The following PALM2AKAP2 variants were observed in gnomAD, a reference collection of about 807,000 sequenced individuals.
The protein encoded by PALM2AKAP2 is PALM2 and AKAP2 fusion, also known as PALM2-AKAP2 fusion protein.
Under a neutral mutation model 71.5 loss-of-function variants are expected in PALM2AKAP2, and 37 were observed. The ratio of observed to expected loss-of-function variants is 0.52; its 90% CI spans 0.40 to 0.68. PALM2AKAP2 has a LOEUF of 0.68. Ranked by LOEUF, PALM2AKAP2 falls within the 30% of genes least tolerant of loss-of-function variation. The probability of loss-of-function intolerance (pLI) is 0.00; values close to 1 mark genes in which losing one functional copy is unlikely to be tolerated. For missense variants in PALM2AKAP2, 1,224 were observed against 1,191.8 expected, an observed-to-expected ratio of 1.03 and a Z score of -0.40; for synonymous variants, 468 against 478.8, an observed-to-expected ratio of 0.98 and a Z score of 0.29.
intron 1 of PALM2AKAP2, among the ~76,000 whole-genome samples, chr9:110,123,722 G>A (rs973799092): frequency 1.1e-4 from 16 of 152,198 alleles, no homozygotes; most frequent in African/African-American, 3.9e-4. Context: ...TGTGAATAGG[G>A]CAGATTTAAA....
chr9:110,166,439 A>G (rs1836734846), intron 3 of PALM2AKAP2, among the ~76,000 whole-genome samples: 1 of 152,248 alleles, frequency 6.6e-6, no homozygotes, highest in African/African-American at 2.4e-5. Flanking sequence ...AACTGGAAAT[A>G]GAGCCCAAGA....
At chr9:109,808,370 A>G (rs1427586996) in intron 1 of PALM2AKAP2, among the ~76,000 whole-genome samples, 4 of 152,212 alleles carry the variant, frequency 2.6e-5, no homozygotes, top group African/African-American at 9.6e-5. Context: ...TGTTTTAGCA[A>G]AGAGACTGGT....
intron 1 of PALM2AKAP2, among the ~76,000 whole-genome samples, chr9:109,734,569 C>T (rs1828602034): frequency 6.6e-6 from 1 of 152,062 alleles, no homozygotes; most frequent in South Asian, 2.1e-4. Flanking sequence ...AATTGGACAG[C>T]CTGATTTAGG....
chr9:109,802,354 G>A (rs921817555), intron 1 of PALM2AKAP2, among the ~76,000 whole-genome samples: 1 of 152,184 alleles, frequency 6.6e-6, no homozygotes, highest in East Asian at 1.9e-4. Flanking sequence ...ATAACTTTTG[G>A]ACCAGGAGCC....
rs141046156 is a variant in PALM2AKAP2, at chr9:110,027,004, C to T, written c.582+10965C>T. ...GTTGCAGTGAGCCGAGATCGCGCCA[C>T]TGCACTCCAGCCTGGGTAATAGAGC... On this transcript the variant is annotated intron_variant, in intron 7 of 9. Coordinates refer to the PALM2AKAP2 transcript ENST00000302798. Among the ~76,000 whole-genome samples, 697 of 152,276 alleles carry T rather than the reference C, an allele frequency of 4.6e-3. 15 individuals are homozygous for T. The highest frequency in any genetic ancestry group is 0.038 in the Admixed American group (583 of 15,282).
chr9:110,091,471 T>G, intron 1 of PALM2AKAP2, among the ~76,000 whole-genome samples: 1 of 139,496 alleles, frequency 7.2e-6, no homozygotes, highest in Non-Finnish European at 1.5e-5. Flanking sequence ...TTTTTTTTTT[T>G]TTTTTTTTTG....
chr9:109,653,674 T>C (rs1005423811), intron 1 of PALM2AKAP2, among the ~76,000 whole-genome samples: 19 of 152,186 alleles, frequency 1.2e-4, no homozygotes, highest in East Asian at 9.6e-4. Context: ...GGGGTTCCTG[T>C]GTTCCCAACA....
intron 3 of PALM2AKAP2, among the ~76,000 whole-genome samples, chr9:109,903,261 G>A (rs943342606): frequency 6.6e-6 from 1 of 152,014 alleles, no homozygotes; most frequent in African/African-American, 2.4e-5. Context: ...GTTCACATCA[G>A]CACCGAGACT....
intron 1 of PALM2AKAP2, among the ~76,000 whole-genome samples, chr9:109,691,023 A>T (rs1336023805): frequency 6.6e-6 from 1 of 152,168 alleles, no homozygotes; most frequent in African/African-American, 2.4e-5. Context: ...AAGAAACAGA[A>T]GGGGGGAAGT....
At chr9:110,168,711 G>A in exon 4 of PALM2AKAP2, 1 of 555,824 alleles carries the variant, frequency 1.8e-6, no homozygotes, top group Non-Finnish European at 3.0e-6. Context: ...AAAGAGAAAG[G>A]ACTTTTTTGG....
intron 1 of PALM2AKAP2, among the ~76,000 whole-genome samples, chr9:109,845,483 G>A (rs1828829424): frequency 1.3e-5 from 2 of 152,208 alleles, no homozygotes; most frequent in African/African-American, 4.8e-5. Context: ...ATAATTGCTA[G>A]AGGCCTCCAG....
rs116211479 is a variant in PALM2AKAP2 at position 109,692,998 on chromosome 9, A to G, written c.5+52132A>G. 3.7e-3 allele frequency among the ~76,000 whole-genome samples: 564 copies of G among 151,828 alleles called. 4 individuals are homozygous for G. Among genetic ancestry groups the G allele is most frequent in the African/African-American group, 0.013 (546 of 41,486 alleles). On this transcript the variant is annotated intron_variant, in intron 1 of 6. Transcript: ENST00000374531. The stretch of plus-strand genomic sequence containing the variant: ...ATTTAATGGTGGCCTTATAAAATAA[A>G]CTTGAAAGTGTTCCCTTTCTTTCTG...
At chr9:109,829,862 G>A (rs1369331431) in intron 1 of PALM2AKAP2, among the ~76,000 whole-genome samples, 2 of 152,002 alleles carry the variant, frequency 1.3e-5, no homozygotes, top group Non-Finnish European at 2.9e-5. Context: ...AATTTAATGA[G>A]GCTGACATTT....
In PALM2AKAP2 at chr9:110,136,498, G is replaced by A. The variant is rs115828228; in HGVS notation, c.528G>A (p.Val176=). The A allele has an allele frequency of 1.5e-4, 247 of 1,614,066 alleles. No individual in the cohort carries two copies. The African/African-American group carries it at 3.0e-3, about 20-fold the overall frequency. The change falls in exon 2 of 4, where the codon GTG becomes GTA. Residue 176 remains valine, a synonymous_variant. Transcript: ENST00000374525. ...CAGAGCCTGGTGCAGTGGTTCTGGTGGGCGGCCTAAGCCCCCCTGTCCACG... is the reference window on the plus strand; with the variant it reads ...CAGAGCCTGGTGCAGTGGTTCTGGTAGGCGGCCTAAGCCCCCCTGTCCACG...
intron 6 of PALM2AKAP2, among the ~76,000 whole-genome samples, chr9:110,001,553 A>G (rs1832681901): frequency 6.6e-6 from 1 of 152,200 alleles, no homozygotes; most frequent in Non-Finnish European, 1.5e-5. Flanking sequence ...CCGTGAATAA[A>G]GTCATTGGTA....
chr9:110,046,053 A>G (rs1418535859), upstream of PALM2AKAP2, among the ~76,000 whole-genome samples: 2 of 152,192 alleles, frequency 1.3e-5, no homozygotes, highest in African/African-American at 4.8e-5. Flanking sequence ...ATGTCTCTAG[A>G]CATTGCCAAA....
chr9:109,889,675 A>G (rs1448316595), intron 3 of PALM2AKAP2, among the ~76,000 whole-genome samples: 1 of 152,194 alleles, frequency 6.6e-6, no homozygotes, highest in Non-Finnish European at 1.5e-5. Flanking sequence ...TCAACATTTC[A>G]TGTGTGTTAC....
At chr9:109,661,896 G>A (rs1587857940) in intron 1 of PALM2AKAP2, among the ~76,000 whole-genome samples, 1 of 152,104 alleles carries the variant, frequency 6.6e-6, no homozygotes, top group Non-Finnish European at 1.5e-5. Flanking sequence ...CTTGTAAGTT[G>A]GATTCCTAGG....
intron 1 of PALM2AKAP2, among the ~76,000 whole-genome samples, chr9:109,835,464 A>G (rs1016442108): frequency 3.3e-5 from 5 of 151,970 alleles, no homozygotes; most frequent in African/African-American, 1.2e-4. Flanking sequence ...AACACAGAAG[A>G]TGGGTGATTT....
Sources: allele counts gnomAD v4.1 joint callset (sites outside exome capture counted in the v4.1 genomes callset), GRCh38; gene constraint gnomAD v4.1.1; transcripts MANE v1.5; gene names NCBI Gene and HGNC (gene_info 2026-07-23, HGNC 2026-07-21).